Variants in PCDH9 observed in about 807,000 individuals in gnomAD.
The protein encoded by PCDH9 is protocadherin 9.
A neutral mutation model predicts 70.6 loss-of-function variants in PCDH9; 24 were observed. That is an observed-to-expected ratio of 0.34 (90% CI 0.25 to 0.48). The LOEUF (loss-of-function observed/expected upper bound fraction) is 0.48, where lower values mean the gene tolerates loss of function less well. PCDH9 is among the 20% of genes least tolerant of loss of function. PCDH9 has a pLI of 0.99. For missense variants in PCDH9, 1,281 were observed against 1,503.6 expected (o/e 0.85, Z 2.45); for synonymous variants, 562 against 558.5 (o/e 1.01, Z -0.09).
chr13:66,924,462 T>G (rs2082685551), intron 2 of PCDH9, among the ~76,000 whole-genome samples: 1 of 151,816 alleles, frequency 6.6e-6, no homozygotes, highest in Non-Finnish European at 1.5e-5. Flanking sequence ...TTAAATTAGG[T>G]CTGAGTGGAG....
At chr13:66,504,915 A>C (rs1172507344) in intron 4 of PCDH9, among the ~76,000 whole-genome samples, 1 of 152,182 alleles carries the variant, frequency 6.6e-6, no homozygotes, top group Non-Finnish European at 1.5e-5. Flanking sequence ...ACTAGTTGCT[A>C]CCACATAAAT....
At chr13:67,012,476 A>G (rs2084470033) in intron 2 of PCDH9, among the ~76,000 whole-genome samples, 1 of 151,960 alleles carries the variant, frequency 6.6e-6, no homozygotes, top group Admixed American at 6.6e-5. Context: ...AGAAAGAAAG[A>G]AAAAACAACA....
intron 4 of PCDH9, among the ~76,000 whole-genome samples, chr13:66,309,413 C>T (rs1338885978): frequency 6.6e-6 from 1 of 151,964 alleles, no homozygotes; most frequent in Admixed American, 6.6e-5. Flanking sequence ...CTGATATATG[C>T]TAATAACTGA....
chr13:66,573,406 T>C (rs941950394), intron 4 of PCDH9, among the ~76,000 whole-genome samples: 16 of 152,150 alleles, frequency 1.1e-4, no homozygotes. Context: ...ATTGTTTCTT[T>C]TGTTACTTGC....
intron 4 of PCDH9, among the ~76,000 whole-genome samples, chr13:66,484,343 G>T (rs1001933569): frequency 5.9e-5 from 9 of 152,012 alleles, no homozygotes; most frequent in African/African-American, 2.2e-4. Flanking sequence ...CCGTAGGGTC[G>T]TAGCCCCACG....
At chr13:66,629,463 C>G (rs965074927) in intron 4 of PCDH9, among the ~76,000 whole-genome samples, 4 of 152,198 alleles carry the variant, frequency 2.6e-5, no homozygotes, top group Admixed American at 6.5e-5. Context: ...CTACATAAAC[C>G]TCTTCACAGA....
chr13:66,760,987 A>G (rs191929001), intron 3 of PCDH9, among the ~76,000 whole-genome samples: 14 of 152,246 alleles, frequency 9.2e-5, no homozygotes, highest in African/African-American at 3.4e-4. Context: ...TCCTGTTAAG[A>G]TGTTTATCAA....
At chr13:66,754,426 A>T (rs1822212) in intron 3 of PCDH9, among the ~76,000 whole-genome samples, 74,289 of 151,494 alleles carry the variant, frequency 0.49, 21,177 homozygotes, top group Middle Eastern at 0.68. Context: ...CTTATTTTTT[A>T]AAAAAAGGAA....
At chr13:66,981,089 A>C (rs1055633148) in intron 2 of PCDH9, among the ~76,000 whole-genome samples, 1 of 152,182 alleles carries the variant, frequency 6.6e-6, no homozygotes, top group Non-Finnish European at 1.5e-5. Context: ...TAAACAGAAT[A>C]TATACTGTCC....
At chr13:67,078,564 C>T (rs919609273) in intron 2 of PCDH9, among the ~76,000 whole-genome samples, 2 of 152,176 alleles carry the variant, frequency 1.3e-5, no homozygotes, top group Admixed American at 1.3e-4. Context: ...TCTTTCTAAA[C>T]CTTATGTGGC....
intron 3 of PCDH9, among the ~76,000 whole-genome samples, chr13:66,743,510 T>G (rs916660896): frequency 1.3e-5 from 2 of 150,408 alleles, no homozygotes; most frequent in East Asian, 3.9e-4. Context: ...AAAAAAAATT[T>G]GGAAGAGGTT....
At chr13:66,750,830 G>C (rs969684910) in intron 3 of PCDH9, among the ~76,000 whole-genome samples, 3 of 151,814 alleles carry the variant, frequency 2.0e-5, no homozygotes, top group Non-Finnish European at 2.9e-5. Flanking sequence ...ATTAGCAAAA[G>C]GGAAGTAGAG....
chr13:67,127,676 ATGTGTGTGTGTG>A lies in PCDH9; in HGVS notation c.3036+97717_3036+97728del, dbSNP rs142545550. Among the ~76,000 whole-genome samples the A allele has an allele frequency of 2.1e-5, 3 of 145,490 alleles. No homozygotes were observed. In the East Asian group the frequency reaches 6.1e-4, roughly 29 times the overall value. ...AGACTTTTTTATCATATATATATAT[ATGTGTGTGTGTG>A]TGTGTGTGTGTGTATGTGTGTGTGT... On this transcript the variant is annotated intron_variant, in intron 2 of 4. Transcript: ENST00000377865.
In PCDH9 at chr13:66,953,216, T is replaced by TAA. The variant is rs5804304; in HGVS notation, c.3037-49613_3037-49612dup. Among the ~76,000 whole-genome samples, 7 of 151,540 alleles carry TAA rather than the reference T, an allele frequency of 4.6e-5. No homozygotes were observed. The East Asian group carries it at 7.8e-4, about 17-fold the overall frequency. ...ACTAGTCCATATAACGTTCCACATG[T>TAA]AAAAAAAAATCATTCATATGTGACA... On this transcript the variant is annotated intron_variant, in intron 2 of 4. Coordinates refer to ENST00000377865, the MANE Select transcript of PCDH9 (RefSeq NM_203487.3).
At chr13:66,845,686 C>T (rs13378598) in intron 3 of PCDH9, among the ~76,000 whole-genome samples, 44,541 of 152,006 alleles carry the variant, frequency 0.29, 7,341 homozygotes, top group Non-Finnish European at 0.37. Flanking sequence ...GTGCCAACTG[C>T]ACCTCCCTCA....
intron 2 of PCDH9, among the ~76,000 whole-genome samples, chr13:66,912,057 A>G (rs1490473004): frequency 6.6e-6 from 1 of 152,180 alleles, no homozygotes; most frequent in East Asian, 1.9e-4. Flanking sequence ...AAGAAAAACT[A>G]AAATGGAAAT....
At chr13:66,901,121 A>C (rs2082270170) in intron 3 of PCDH9, among the ~76,000 whole-genome samples, 1 of 151,616 alleles carries the variant, frequency 6.6e-6, no homozygotes, top group African/African-American at 2.4e-5. Flanking sequence ...TTTAAAAAAA[A>C]CTCGAAAGAT....
intron 3 of PCDH9, among the ~76,000 whole-genome samples, chr13:66,889,657 G>A (rs543532166): frequency 2.6e-5 from 4 of 152,186 alleles, no homozygotes; most frequent in South Asian, 2.1e-4. Flanking sequence ...TTTGCCCTCC[G>A]ATTGCTACTA....
chr13:66,391,784 G>A (rs993415419), intron 4 of PCDH9, among the ~76,000 whole-genome samples: 1 of 151,552 alleles, frequency 6.6e-6, no homozygotes, highest in Admixed American at 6.6e-5. Context: ...CATCCAATAT[G>A]CCTTGATACA....
Sources: gnomAD v4.1 joint callset for allele counts (sites outside exome capture counted in the v4.1 genomes callset) on GRCh38, gnomAD v4.1.1 for gene constraint, MANE v1.5 for transcripts, NCBI Gene and HGNC (gene_info 2026-07-23, HGNC 2026-07-21) for gene names.